Variants in FRMPD4 observed in about 807,000 individuals in gnomAD.
FRMPD4 encodes the protein FERM and PDZ domain containing 4.
Under a neutral mutation model 94.1 loss-of-function variants are expected in FRMPD4, and 22 were observed. That is an observed-to-expected ratio of 0.23 (90% confidence interval 0.17 to 0.33). FRMPD4 has a LOEUF of 0.33. FRMPD4 is among the 10% of genes least tolerant of loss of function. The probability of loss-of-function intolerance (pLI) is 1.00; values close to 1 mark genes in which losing one functional copy is unlikely to be tolerated. For missense variants in FRMPD4, 1,111 were observed against 1,339.9 expected, an observed-to-expected ratio of 0.83 and a Z score of 2.67; for synonymous variants, 631 against 548.6, an observed-to-expected ratio of 1.15 and a Z score of -2.10.
At chrX:12,327,905 C>A in intron 1 of FRMPD4, among the ~76,000 whole-genome samples, 1 of 111,896 alleles carries the variant, frequency 8.9e-6, no homozygotes, top group African/African-American at 3.2e-5. Context: ...TCATCTTTGC[C>A]TTTGTCCATG....
chrX:12,537,028 C>G (rs2058346472), intron 2 of FRMPD4, among the ~76,000 whole-genome samples: 1 of 110,642 alleles, frequency 9.0e-6, no homozygotes, highest in Admixed American at 9.7e-5. Flanking sequence ...AAGGCAATGG[C>G]CTCACTTCCC....
At chrX:12,655,442 G>A (rs748035024) in intron 4 of FRMPD4, among the ~76,000 whole-genome samples, 2 of 111,019 alleles carry the variant, frequency 1.8e-5, no homozygotes, top group Non-Finnish European at 3.8e-5. Flanking sequence ...TCCTCTTGTT[G>A]GTTTTTGGAA....
At chrX:11,931,244 T>C (rs1375082303) in intron 3 of FRMPD4, among the ~76,000 whole-genome samples, 2 of 112,072 alleles carry the variant, frequency 1.8e-5, no homozygotes, top group East Asian at 5.6e-4. Context: ...TATTTAGTTA[T>C]TTATTACTGC....
chrX:12,351,279 A>G (rs1166838668), intron 1 of FRMPD4, among the ~76,000 whole-genome samples: 1 of 110,880 alleles, frequency 9.0e-6, no homozygotes, highest in Non-Finnish European at 1.9e-5. Flanking sequence ...GAAAGCCACC[A>G]TTTCTGATGA....
intron 1 of FRMPD4, among the ~76,000 whole-genome samples, chrX:12,147,407 A>G (rs1253889644): frequency 3.6e-5 from 4 of 112,537 alleles, no homozygotes; most frequent in Non-Finnish European, 7.5e-5. Flanking sequence ...TAACATTGCT[A>G]TATGAAGAAC....
At chrX:12,210,067 T>C (rs2056737478) in intron 1 of FRMPD4, among the ~76,000 whole-genome samples, 1 of 111,989 alleles carries the variant, frequency 8.9e-6, no homozygotes, top group Admixed American at 9.5e-5. Flanking sequence ...CCTGTGACTT[T>C]GTGTATACCC....
chrX:12,720,166 C>T (rs190160333), intron 16 of FRMPD4, among the ~76,000 whole-genome samples: 2 of 112,029 alleles, frequency 1.8e-5, no homozygotes, highest in Admixed American at 1.9e-4. Context: ...TGAAATGAAA[C>T]TTAATATCTC....
intron 1 of FRMPD4, among the ~76,000 whole-genome samples, chrX:12,457,689 T>G (rs2057348608): frequency 8.9e-6 from 1 of 112,108 alleles, no homozygotes; most frequent in African/African-American, 3.2e-5. Context: ...AGGTAAGTGT[T>G]GATTCTTGTG....
chrX:11,923,779 G>C (rs764301248), intron 3 of FRMPD4, among the ~76,000 whole-genome samples: 2 of 112,220 alleles, frequency 1.8e-5, no homozygotes, highest in East Asian at 2.8e-4. Flanking sequence ...ACCATCCAAA[G>C]GTCGGCAACC....
chrX:12,374,709 C>G (rs1302291128), intron 1 of FRMPD4, among the ~76,000 whole-genome samples: 1 of 111,528 alleles, frequency 9.0e-6, no homozygotes, highest in Non-Finnish European at 1.9e-5. Flanking sequence ...CGGATCCCAT[C>G]TTTATATAAA....
chrX:12,269,352 T>TAAAATAA (rs2054319664), intron 1 of FRMPD4, among the ~76,000 whole-genome samples: 1 of 103,874 alleles, frequency 9.6e-6, no homozygotes, highest in Non-Finnish European at 2.0e-5. Context: ...ATTAATAAAA[T>TAAAATAA]AAAAAAAAAA....
intron 1 of FRMPD4, among the ~76,000 whole-genome samples, chrX:12,331,809 ATTTATATACTATATATAAATTATATAT>A (rs1446247602): frequency 2.9e-5 from 1 of 34,510 alleles, no homozygotes; most frequent in Non-Finnish European, 4.3e-5. Flanking sequence ...AATTATATAT[ATTTATATACTATATATAAATTATATAT>A]ATTTATATAC....
chrX:12,579,608 T>G (rs987228389), intron 2 of FRMPD4, among the ~76,000 whole-genome samples: 1 of 111,969 alleles, frequency 8.9e-6, no homozygotes, highest in Non-Finnish European at 1.9e-5. Flanking sequence ...AGCTCCATTG[T>G]AAAGTAGTAA....
intron 2 of FRMPD4, among the ~76,000 whole-genome samples, chrX:12,550,943 TA>T (rs1290539046): frequency 6.4e-5 from 7 of 110,166 alleles, no homozygotes; most frequent in African/African-American, 2.3e-4. Context: ...TGTATATATA[TA>T]TCATACATAT....
In FRMPD4 at chrX:12,388,034, G is replaced by A. The variant is rs5935317; in HGVS notation, c.42-110646G>A. Reference sequence around the variant, plus strand: ...GTAAAATACTGTACAGTGATGCCAAGAATGAACTACTGTCATACAGTATGG... The same window carrying A: ...GTAAAATACTGTACAGTGATGCCAAAAATGAACTACTGTCATACAGTATGG... On this transcript the variant is annotated intron_variant, in intron 1 of 16. Coordinates refer to ENST00000675598, the MANE Select transcript of FRMPD4 (RefSeq NM_001368397.1). 6.5e-3 allele frequency among the ~76,000 whole-genome samples: 708 copies of A among 108,416 alleles called. 2 individuals are homozygous for A. Among genetic ancestry groups the A allele is most frequent in the Middle Eastern group, 9.6e-3 (2 of 209 alleles). The allele number at this position is 108,416 out of a possible 115,157, so 94.1% of individuals were successfully genotyped here.
At chrX:12,616,509 C>T (rs761557661) in intron 4 of FRMPD4, among the ~76,000 whole-genome samples, 11 of 112,203 alleles carry the variant, frequency 9.8e-5, no homozygotes, top group Non-Finnish European at 2.1e-4. Context: ...AAAAGTCATA[C>T]TTGTACTCCT....
At chrX:12,036,056 T>C (rs1483440695) in intron 3 of FRMPD4, among the ~76,000 whole-genome samples, 1 of 112,159 alleles carries the variant, frequency 8.9e-6, no homozygotes, top group African/African-American at 3.2e-5. Context: ...ACATGGATCA[T>C]TTATTAATCA....
At chrX:12,266,793 C>T (rs1026840058) in intron 1 of FRMPD4, among the ~76,000 whole-genome samples, 13 of 111,808 alleles carry the variant, frequency 1.2e-4, no homozygotes, top group African/African-American at 4.2e-4. Context: ...GTACCTCCTA[C>T]GATTGTATAT....
intron 3 of FRMPD4, among the ~76,000 whole-genome samples, chrX:11,971,399 C>G (rs1473050515): frequency 8.9e-6 from 1 of 112,682 alleles, no homozygotes; most frequent in Non-Finnish European, 1.9e-5. Context: ...TGTGAAAACA[C>G]ATATTTGTAT....
Sources: allele counts gnomAD v4.1 joint callset (sites outside exome capture counted in the v4.1 genomes callset), GRCh38; gene constraint gnomAD v4.1.1; transcripts MANE v1.5; gene names NCBI Gene and HGNC (gene_info 2026-07-23, HGNC 2026-07-21).